Variants in NAF1 observed in about 807,000 individuals in gnomAD.
NAF1 encodes H/ACA ribonucleoprotein complex non-core subunit NAF1.
In NAF1, 11 loss-of-function variants were observed where a neutral mutation model predicts 40.6. The observed-to-expected ratio is 0.27, with a 90% CI of 0.17 to 0.45. The LOEUF (loss-of-function observed/expected upper bound fraction) is 0.45, where lower values mean the gene tolerates loss of function less well. Ranked by LOEUF, NAF1 falls within the 20% of genes least tolerant of loss-of-function variation. NAF1 has a pLI of 1.00. For synonymous variants in NAF1, 260 were observed against 228.5 expected (o/e 1.14, Z -1.24); for missense variants, 607 against 611.1 (o/e 0.99, Z 0.07).
rs371668642 is a variant in NAF1, at chr4:163,140,390, T to C, written c.718-7A>G. 13 of 1,592,614 alleles carry C rather than the reference T, an allele frequency of 8.2e-6. No individual in the cohort carries two copies. The African/African-American group carries it at 1.5e-4, about 18-fold the overall frequency. On this transcript the variant is annotated splice_polypyrimidine_tract_variant and splice_region_variant and intron_variant, in intron 4 of 7. Transcript: ENST00000274054. ...GTCCAAATATCTCGAATATCTGTAATAGAAACATAAAGGCCTCTTTTAACA... is the reference window on the plus strand; with the variant it reads ...GTCCAAATATCTCGAATATCTGTAACAGAAACATAAAGGCCTCTTTTAACA...
At chr4:163,165,640 C>T (rs1732422054) in intron 1 of NAF1, among the ~76,000 whole-genome samples, 1 of 152,162 alleles carries the variant, frequency 6.6e-6, no homozygotes, top group South Asian at 2.1e-4. Context: ...CAACACGTGT[C>T]TATCTTGTTA....
intron 2 of NAF1, among the ~76,000 whole-genome samples, chr4:163,158,724 T>G (rs751258283): frequency 1.1e-4 from 17 of 152,114 alleles, no homozygotes; most frequent in Non-Finnish European, 1.8e-4. Flanking sequence ...CCTCCAACAA[T>G]GAATATAACT....
downstream of NAF1, among the ~76,000 whole-genome samples, chr4:163,122,313 C>T (rs1730539562): frequency 6.6e-6 from 1 of 151,996 alleles, no homozygotes; most frequent in Non-Finnish European, 1.5e-5. Flanking sequence ...TTGCTGTTCA[C>T]CAGCTCTAAA....
the NAF1 span, among the ~76,000 whole-genome samples, chr4:163,104,141 AG>A: frequency 6.6e-6 from 1 of 152,162 alleles, no homozygotes. Flanking sequence ...GAATTTCACA[AG>A]GTTAATCGCT....
intron 2 of NAF1, 25 bp from the exon 3 acceptor site, chr4:163,148,459 A>G (rs943359741): frequency 2.8e-6 from 4 of 1,447,906 alleles, no homozygotes; most frequent in Non-Finnish European, 3.8e-6. Flanking sequence ...AAAACAAAAC[A>G]TTAAACTTCC....
intron 2 of NAF1, among the ~76,000 whole-genome samples, chr4:163,154,340 C>A (rs1254053321): frequency 6.6e-6 from 1 of 152,128 alleles, no homozygotes; most frequent in East Asian, 1.9e-4. Context: ...CATGAAGTCT[C>A]GCCCCAAATA....
intron 2 of NAF1, among the ~76,000 whole-genome samples, chr4:163,163,342 T>A (rs1239644840): frequency 6.6e-6 from 1 of 152,184 alleles, no homozygotes; most frequent in African/African-American, 2.4e-5. Flanking sequence ...AATCCATTCA[T>A]GAAAAAGGCT....
chr4:163,159,588 C>T (rs1225303552), intron 2 of NAF1, among the ~76,000 whole-genome samples: 1 of 152,114 alleles, frequency 6.6e-6, no homozygotes, highest in Non-Finnish European at 1.5e-5. Context: ...TCTACTGCAA[C>T]TTCCAACCAC....
chr4:163,104,285 G>T, the NAF1 span, among the ~76,000 whole-genome samples: 1 of 152,114 alleles, frequency 6.6e-6, no homozygotes, highest in Non-Finnish European at 1.5e-5. Context: ...AGGTCACAGG[G>T]GATTATGATG....
chr4:163,151,745 C>T (rs1293905999), intron 2 of NAF1, among the ~76,000 whole-genome samples: 1 of 152,080 alleles, frequency 6.6e-6, no homozygotes. Flanking sequence ...TATCTCACTA[C>T]ACTTCAGAAC....
chr4:163,141,716 G>A (rs1331208456), intron 4 of NAF1, among the ~76,000 whole-genome samples: 1 of 152,196 alleles, frequency 6.6e-6, no homozygotes, highest in Non-Finnish European at 1.5e-5. Flanking sequence ...GAAGCTGAAA[G>A]TACGATAATT....
At chr4:163,112,613 A>C (rs1730197025) in intron 2 of NAF1, among the ~76,000 whole-genome samples, 2 of 152,270 alleles carry the variant, frequency 1.3e-5, no homozygotes, top group East Asian at 3.9e-4. Context: ...AGAAAGGTGC[A>C]CTTAGGGCTC....
At chr4:163,112,903 A>G (rs186052863) in intron 2 of NAF1, among the ~76,000 whole-genome samples, 28 of 152,316 alleles carry the variant, frequency 1.8e-4, no homozygotes, top group Admixed American at 1.6e-3. Flanking sequence ...GGAAAAAAAT[A>G]TTGCAGCTTT....
In NAF1 at chr4:163,128,800, T is replaced by A; in HGVS notation, c.*97A>T. 7.4e-7 allele frequency: 1 copy of A among 1,352,412 alleles called. No homozygotes were observed. The allele number at this position is 1,352,412 out of a possible 1,614,324, so 83.8% of individuals were successfully genotyped here. A position where few individuals can be genotyped will look rare whatever the true frequency, so the allele number is the denominator to read the frequency against. ...GAAGGAATCATTTAGTATTTTACAG[T>A]GTTTTTAAAAATCTAGCTCCATAAT... On this transcript the variant is annotated 3_prime_UTR_variant, in exon 8 of 8. Coordinates refer to ENST00000274054, the MANE Select transcript of NAF1 (RefSeq NM_138386.3).
intron 2 of NAF1, among the ~76,000 whole-genome samples, chr4:163,115,235 G>GTC (rs1730296724): frequency 1.6e-5 from 2 of 122,668 alleles, no homozygotes; most frequent in Admixed American, 2.1e-4. Flanking sequence ...TTGAGACAGA[G>GTC]TCTCGCTCTG....
At chr4:163,119,554 T>C (rs188000112) in intron 2 of NAF1, 2 of 152,196 alleles carry the variant, frequency 1.3e-5, no homozygotes, top group Non-Finnish European at 2.9e-5. Flanking sequence ...TTGAGATTTC[T>C]TCTGGCTCCC....
At chr4:163,156,867 T>C (rs1732007647) in intron 2 of NAF1, 1 of 152,144 alleles carries the variant, frequency 6.6e-6, no homozygotes, top group Admixed American at 6.5e-5. Flanking sequence ...GTTCTGGATG[T>C]ACATTATCTG....
chr4:163,124,944 G>A (rs554491970), downstream of NAF1, among the ~76,000 whole-genome samples: 8 of 152,196 alleles, frequency 5.3e-5, no homozygotes, highest in East Asian at 7.7e-4. Flanking sequence ...GTATTCTGTC[G>A]CATTCTGGTA....
chr4:163,122,356 G>A (rs1730540767), downstream of NAF1, among the ~76,000 whole-genome samples: 1 of 152,112 alleles, frequency 6.6e-6, no homozygotes, highest in African/African-American at 2.4e-5. Context: ...AAAAAGAAGT[G>A]GAGAGGAGTG....
Sources: gnomAD v4.1 joint callset for allele counts (sites outside exome capture counted in the v4.1 genomes callset) on GRCh38, gnomAD v4.1.1 for gene constraint, MANE v1.5 for transcripts, NCBI Gene and HGNC (gene_info 2026-07-23, HGNC 2026-07-21) for gene names.